Variants in CMTM3 observed in about 807,000 individuals in gnomAD.
The protein encoded by CMTM3 is CKLF like MARVEL transmembrane domain containing 3.
In CMTM3, 7 loss-of-function variants were observed where a neutral mutation model predicts 18.2. The ratio of observed to expected loss-of-function variants is 0.38; its 90% confidence interval spans 0.22 to 0.72. The LOEUF (loss-of-function observed/expected upper bound fraction) is 0.72, where lower values mean the gene tolerates loss of function less well. Among genes scored for constraint, CMTM3 ranks in the 30% least tolerant of loss-of-function variants. CMTM3 has a pLI of 0.46. For synonymous variants in CMTM3, 109 were observed against 111.2 expected (o/e 0.98, Z 0.12); for missense variants, 227 against 249.2 (o/e 0.91, Z 0.60).
Position 66,612,090 on chromosome 16 carries a change from C to A in CMTM3, c.521-519C>A, listed in dbSNP as rs536404750. 7.2e-5 allele frequency among the ~76,000 whole-genome samples: 11 copies of A among 152,266 alleles called. No individual in the cohort carries two copies. The highest frequency in any genetic ancestry group is 1.3e-4 in the Non-Finnish European group (9 of 68,012). ...CAGTCTTGGGGTGGAAACACCCCCA[C>A]CTGCACCCGCACCCACACCCTGGAG... On this transcript the variant is annotated intron_variant, in intron 4 of 4. Coordinates refer to ENST00000567572, the MANE Select transcript of CMTM3 (RefSeq NM_181553.4). This position sits in a 1 kb window ranked among gnomAD's most constrained non-coding sequence, Gnocchi z 6.0.
chr16:66,604,491 T>C (rs2015044535), upstream of CMTM3: 2 of 230,782 alleles, frequency 8.7e-6, no homozygotes, highest in East Asian at 1.7e-4. Flanking sequence ...GGGTGGGAGC[T>C]CCGAAGGGGT....
Position 66,605,288 on chromosome 16 carries a change from C to A in CMTM3, c.147+336C>A, listed in dbSNP as rs1597203461. ...CTCTGGGCCCCGGGGACTCGGGCAACTCGGACCTCCGGGACTCCCGGGCCG... is the reference window on the plus strand; with the variant it reads ...CTCTGGGCCCCGGGGACTCGGGCAAATCGGACCTCCGGGACTCCCGGGCCG... On this transcript the variant is annotated intron_variant, in intron 1 of 4. Transcript: ENST00000567572. This position sits in a 1 kb window ranked among gnomAD's most constrained non-coding sequence, Gnocchi z 4.6. 9.5e-6 allele frequency: 2 copies of A among 211,010 alleles called. No homozygotes were observed. The highest frequency in any genetic ancestry group is 1.0e-4 in the East Asian group (1 of 9,716). 13.1% of individuals were successfully genotyped at this position (211,010 alleles called of 1,614,324 possible). A position where few individuals can be genotyped will look rare whatever the true frequency, so the allele number is the denominator to read the frequency against.
At position 66,612,549 on chromosome 16, in the gene CMTM3, C is replaced by T. The variant is rs377148414; in HGVS notation, c.521-60C>T. 313 of 1,577,430 alleles carry T rather than the reference C, an allele frequency of 2.0e-4. No individual in the cohort carries two copies. In the Middle Eastern group the frequency reaches 2.3e-3, roughly 12 times the overall value. The stretch of plus-strand genomic sequence containing the variant: ...AACCCAGCTGTGCTTCCCCAGAGAC[C>T]GTTCCCAGGCACCGCTGCCCTGAGC... On this transcript the variant is annotated intron_variant, in intron 4 of 4. Coordinates refer to ENST00000567572, the MANE Select transcript of CMTM3 (RefSeq NM_181553.4). This position sits in a 1 kb window ranked among gnomAD's most constrained non-coding sequence, Gnocchi z 6.0.
In CMTM3 at chr16:66,605,213, T is replaced by G; in HGVS notation, c.147+261T>G. On this transcript the variant is annotated intron_variant, in intron 1 of 4. Coordinates refer to ENST00000567572, the MANE Select transcript of CMTM3 (RefSeq NM_181553.4). This position sits in a 1 kb window ranked among gnomAD's most constrained non-coding sequence, Gnocchi z 4.6. ...AGAGCTGGGGGCCGTGGGAAGTGGG[T>G]GGGGCCCGGGGATGTGGGTCCTGCT... The G allele has an allele frequency of 2.8e-6, 1 of 352,072 alleles. No homozygotes were observed. Among genetic ancestry groups the G allele is most frequent in the Non-Finnish European group, 5.1e-6 (1 of 194,542 alleles). 21.8% of individuals were successfully genotyped at this position (352,072 alleles called of 1,614,324 possible).
Position 66,604,921 on chromosome 16 carries a change from C to G in CMTM3, c.116C>G (p.Ser39Cys), listed in dbSNP as rs1272913749. The G allele has an allele frequency of 3.3e-6, 5 of 1,493,878 alleles. No individual in the cohort carries two copies. The highest frequency in any genetic ancestry group is 2.5e-5 in the South Asian group (2 of 79,350). The allele number at this position is 1,493,878 out of a possible 1,614,324, so 92.5% of individuals were successfully genotyped here. ...CTGCCGGCGCGGGCTTTCCTCTGCT[C>G]TCTCAAAGGCCGCCTCCTGCTGGCC... ...ALLPARAFLC[S>C]LKGRLLLAES... The change falls in exon 1 of 5, where the codon TCT (serine) becomes TGT (cysteine). Residue 39 changes from serine (S) to cysteine (C), a missense_variant. By Grantham distance (112) the Ser-to-Cys change is moderately radical (BLOSUM62 -1). Coordinates refer to ENST00000567572, the MANE Select transcript of CMTM3 (RefSeq NM_181553.4).
chr16:66,604,642 C>A, upstream of CMTM3: 1 of 351,826 alleles, frequency 2.8e-6, no homozygotes, highest in Non-Finnish European at 3.8e-6. Flanking sequence ...GAGGGGCGGG[C>A]TGGAGGAGCG....
rs1209691033 is a variant in CMTM3, at chr16:66,613,366, GAC to G, written c.*731_*732del. ...GAGGGTACAACAGTGGCATCACAGT[GAC>G]AGTGTCATGGGGAGCTGGGCGGGCC... On this transcript the variant is annotated 3_prime_UTR_variant, in exon 5 of 5. Coordinates refer to ENST00000567572, the MANE Select transcript of CMTM3 (RefSeq NM_181553.4). 2.0e-6 allele frequency: 1 copy of G among 497,876 alleles called. No homozygotes were observed. Among genetic ancestry groups the G allele is most frequent in the Non-Finnish European group, 3.6e-6 (1 of 276,672 alleles). 30.8% of individuals were successfully genotyped at this position (497,876 alleles called of 1,614,324 possible). A position where few individuals can be genotyped will look rare whatever the true frequency, so the allele number is the denominator to read the frequency against.
At chr16:66,606,733 C>T (rs1324344250) in intron 1 of CMTM3, among the ~76,000 whole-genome samples, 1 of 152,214 alleles carries the variant, frequency 6.6e-6, no homozygotes, top group African/African-American at 2.4e-5. Flanking sequence ...TGGCTCATGC[C>T]TGTAATCCCA....
At chr16:66,611,210 T>C (rs1028397191) in intron 4 of CMTM3, 2 of 198,490 alleles carry the variant, frequency 1.0e-5, no homozygotes. Context: ...CTCAACACTT[T>C]GGGAGGCCGA....
In CMTM3 at chr16:66,612,845, G is replaced by A; in HGVS notation, c.*208G>A. The A allele has an allele frequency of 3.3e-6, 2 of 612,830 alleles. No homozygotes were observed. The highest frequency in any genetic ancestry group is 5.8e-6 in the Non-Finnish European group (2 of 342,860). 38.0% of individuals were successfully genotyped at this position (612,830 alleles called of 1,614,324 possible). ...CAGCACTGTTGACCACGCTGCGTAT[G>A]AGGGCATCTTGGGTATCCCACTCCT... On this transcript the variant is annotated 3_prime_UTR_variant, in exon 5 of 5. Transcript: ENST00000567572. This position sits in a 1 kb window ranked among gnomAD's most constrained non-coding sequence, Gnocchi z 6.0.
intron 4 of CMTM3, among the ~76,000 whole-genome samples, chr16:66,611,334 T>TC (rs1268527836): frequency 6.6e-6 from 1 of 151,916 alleles, no homozygotes; most frequent in Non-Finnish European, 1.5e-5. Context: ...CCGCCTGTAA[T>TC]CCCAGCTACT....
Position 66,608,509 on chromosome 16 carries a change from G to A in CMTM3, c.303+45G>A. 6.3e-7 allele frequency: 1 copy of A among 1,597,860 alleles called. No homozygotes were observed. The highest frequency in any genetic ancestry group is 8.5e-7 in the Non-Finnish European group (1 of 1,170,234). ...GAGGGAGGGGTGCCCTGCACAAAGT[G>A]GCCAGATGAGGAGTCCAGAGTCGTG... On this transcript the variant is annotated intron_variant, in intron 2 of 4. Coordinates refer to ENST00000567572, the MANE Select transcript of CMTM3 (RefSeq NM_181553.4). This position sits in a 1 kb window ranked among gnomAD's most constrained non-coding sequence, Gnocchi z 5.1.
chr16:66,609,306 G>C lies in CMTM3; in HGVS notation c.304-129G>C, dbSNP rs1047174585. 26 of 742,008 alleles carry C rather than the reference G, an allele frequency of 3.5e-5. No individual in the cohort carries two copies. The highest frequency in any genetic ancestry group is 5.5e-5 in the Non-Finnish European group (25 of 451,982). 46.0% of individuals were successfully genotyped at this position (742,008 alleles called of 1,614,324 possible). A position where few individuals can be genotyped will look rare whatever the true frequency, so the allele number is the denominator to read the frequency against. ...GGGACAAGGGCCTAGGCATGTGGGT[G>C]GGGCCAGGATGGGATAGGAGCCCTC... On this transcript the variant is annotated intron_variant, in intron 2 of 4. Transcript: ENST00000567572. This position sits in a 1 kb window ranked among gnomAD's most constrained non-coding sequence, Gnocchi z 4.4.
In CMTM3 at chr16:66,609,452, C is replaced by T. The variant is rs2015286821; in HGVS notation, c.321C>T (p.Val107=). Residue 107 remains valine, a synonymous_variant, in exon 3 of 5, where the codon GTC becomes GTT. Transcript: ENST00000567572. The surrounding 1 kb of genome is among the most constrained non-coding windows in gnomAD (Gnocchi z 4.4). Reference sequence around the variant, plus strand: ...CTCCCCAGGACTTCCTGCGCTGTGTCACCGCGGCCCTCATCTACTTTGCTA... The same window carrying T: ...CTCCCCAGGACTTCCTGCGCTGTGTTACCGCGGCCCTCATCTACTTTGCTA... The part of the protein sequence containing the change: ...CWPMMDFLRC[V]TAALIYFAIS... The T allele has an allele frequency of 1.9e-6, 3 of 1,612,858 alleles. No individual in the cohort carries two copies. The highest frequency in any genetic ancestry group is 2.5e-6 in the Non-Finnish European group (3 of 1,179,644).
chr16:66,604,856 C>T lies in CMTM3; in HGVS notation c.51C>T (p.Gly17=), dbSNP rs1285098077. ...ACCCGGACCCCGAGCCTGCCGGCGG[C>T]TCCCGTCCCGGCCCCGCGGTCCCCG... The part of the protein sequence containing the change: ...DPDPDPEPAG[G]SRPGPAVPGL... The change falls in exon 1 of 5, where the codon GGC becomes GGT. Residue 17 remains glycine, a synonymous_variant. Transcript: ENST00000567572. 7.2e-7 allele frequency: 1 copy of T among 1,384,136 alleles called. No individual in the cohort carries two copies. Among genetic ancestry groups the T allele is most frequent in the South Asian group, 1.6e-5 (1 of 61,670 alleles). The allele number at this position is 1,384,136 out of a possible 1,614,324, so 85.7% of individuals were successfully genotyped here.
chr16:66,604,947 G>A lies in CMTM3; in HGVS notation c.142G>A (p.Glu48Lys), dbSNP rs772981935. The stretch of plus-strand genomic sequence containing the variant: ...TCTCAAAGGCCGCCTCCTGCTGGCC[G>A]AGTCGGTGAGTGCGGCGGGACCCTC... ...CSLKGRLLLAESGLSFITFIC... is the reference protein window; with the variant it reads ...CSLKGRLLLAKSGLSFITFIC... Residue 48 changes from glutamate to lysine, a missense_variant, in exon 1 of 5, where the codon GAG becomes AAG. By Grantham distance (56) the Glu-to-Lys change is moderately conservative. Transcript: ENST00000567572. 5.3e-6 allele frequency: 8 copies of A among 1,504,428 alleles called. No individual in the cohort carries two copies. The highest frequency in any genetic ancestry group is 7.0e-6 in the Non-Finnish European group (8 of 1,137,430). The allele number at this position is 1,504,428 out of a possible 1,614,324, so 93.2% of individuals were successfully genotyped here. A position where few individuals can be genotyped will look rare whatever the true frequency, so the allele number is the denominator to read the frequency against.
Position 66,604,981 on chromosome 16 carries a change from C to T in CMTM3, c.147+29C>T. 4.8e-6 allele frequency: 7 copies of T among 1,453,858 alleles called. No individual in the cohort carries two copies. In the East Asian group the frequency reaches 8.9e-5, roughly 18 times the overall value. The allele number at this position is 1,453,858 out of a possible 1,614,324, so 90.1% of individuals were successfully genotyped here. ...AGTGCGGCGGGACCCTCGGCCGCCC[C>T]GCTAGGACTGCGCGGCTCCTTTCGG... On this transcript the variant is annotated intron_variant, in intron 1 of 4. Transcript: ENST00000567572.
intron 1 of CMTM3, among the ~76,000 whole-genome samples, chr16:66,606,940 A>G (rs1340494149): frequency 2.0e-5 from 3 of 152,206 alleles, no homozygotes; most frequent in Admixed American, 2.0e-4. Context: ...GTTGCAGTGA[A>G]CTGAGATCGT....
rs2015270948 is a variant in CMTM3, at chr16:66,609,112, G to A, written c.304-323G>A. On this transcript the variant is annotated intron_variant, in intron 2 of 4. Coordinates refer to ENST00000567572, the MANE Select transcript of CMTM3 (RefSeq NM_181553.4). The surrounding 1 kb of genome is among the most constrained non-coding windows in gnomAD (Gnocchi z 4.4). ...GAGCCAGATCTCCCCAATGGAGAGC[G>A]GGAAGGGAGCAGGTGGGGGTGTTTC... Among the ~76,000 whole-genome samples the A allele has an allele frequency of 6.6e-6, 1 of 152,156 alleles. No homozygotes were observed. Among genetic ancestry groups the A allele is most frequent in the African/African-American group, 2.4e-5 (1 of 41,464 alleles).
Sources: gnomAD v4.1 joint callset for allele counts (sites outside exome capture counted in the v4.1 genomes callset) on GRCh38, gnomAD v4.1.1 for gene constraint, Gnocchi (gnomAD v3.1) non-coding constraint, MANE v1.5 for transcripts, NCBI Gene and HGNC (gene_info 2026-07-23, HGNC 2026-07-21) for gene names.